The following DNPEP variants were observed in gnomAD, a reference collection of about 807,000 sequenced individuals.
DNPEP encodes the protein aspartyl aminopeptidase.
In DNPEP, 46 loss-of-function variants were observed where a neutral mutation model predicts 59.1. The observed-to-expected ratio is 0.78, with a 90% CI of 0.61 to 0.99. The LOEUF (loss-of-function observed/expected upper bound fraction) is 0.99. Among genes scored for constraint, DNPEP ranks in the 50% least tolerant of loss-of-function variants. DNPEP has a pLI of 0.00. For missense variants in DNPEP, 617 were observed against 649.9 expected, an observed-to-expected ratio of 0.95 and a Z score of 0.55; for synonymous variants, 229 against 242.2, an observed-to-expected ratio of 0.95 and a Z score of 0.50.
At chr2:219,379,109 G>T (rs1267644192) in intron 13 of DNPEP, among the ~76,000 whole-genome samples, 1 of 151,994 alleles carries the variant, frequency 6.6e-6, no homozygotes, top group Non-Finnish European at 1.5e-5. Context: ...GTAGAGACGG[G>T]GTTTCACCAT....
intron 1 of DNPEP, among the ~76,000 whole-genome samples, chr2:219,394,585 A>G (rs1390308284): frequency 2.0e-5 from 3 of 152,040 alleles, no homozygotes; most frequent in Admixed American, 1.3e-4. Context: ...CTCATCTCCC[A>G]TCTTTAAATG....
chr2:219,381,391 C>G lies in DNPEP; in HGVS notation c.1183G>C (p.Ala395Pro). Residue 395 changes from alanine (A) to proline (P), a missense_variant, in exon 13 of 15, where the codon GCG becomes CCG. By Grantham distance (27) the Ala-to-Pro change is conservative. Transcript: ENST00000273075. ...TCTCGGATCAGGGCCTCTGACACCG[C>G]GTTTGAAGCATAGCGTTGCTTGCTG... ...VNSKQRYASN[A>P]VSEALIREVA... is the part of the protein sequence containing the mutation. 6.2e-7 allele frequency: 1 copy of G among 1,614,224 alleles called. No individual in the cohort carries two copies. The highest frequency in any genetic ancestry group is 8.5e-7 in the Non-Finnish European group (1 of 1,180,034).
At chr2:219,380,842 T>TACACACACACAACACACAC (rs1553599757) in intron 13 of DNPEP, among the ~76,000 whole-genome samples, 1 of 145,682 alleles carries the variant, frequency 6.9e-6, no homozygotes, top group Non-Finnish European at 1.5e-5. Flanking sequence ...CATATATATG[T>TACACACACACAACACACAC]ACACACACAC....
intron 4 of DNPEP, 70 bp downstream of exon 4, chr2:219,386,595 T>C (rs1396859431): frequency 4.7e-6 from 7 of 1,493,036 alleles, no homozygotes; most frequent in Non-Finnish European, 5.5e-6. Context: ...AGTTTGTACC[T>C]CCTAGTTCTC....
At chr2:219,394,228 G>C (rs538480758) in intron 1 of DNPEP, among the ~76,000 whole-genome samples, 1 of 152,106 alleles carries the variant, frequency 6.6e-6, no homozygotes, top group South Asian at 2.1e-4. Flanking sequence ...TTCTTGTCAA[G>C]GTCAAAAGCA....
Position 219,378,952 on chromosome 2 carries a change from T to C in DNPEP, c.1239+2383A>G, listed in dbSNP as rs1429739429. ...TTTATTTTGAGATGGAGTTTCACTC[T>C]TGTCGCCCAGGCTGGAGTGCAATGG... On this transcript the variant is annotated intron_variant, in intron 13 of 14. Transcript: ENST00000273075. Among the ~76,000 whole-genome samples the C allele has an allele frequency of 3.9e-5, 6 of 152,310 alleles. No individual in the cohort carries two copies. In the East Asian group the frequency reaches 1.2e-3, roughly 29 times the overall value.
Position 219,387,829 on chromosome 2 carries a change from G to A in DNPEP, c.-35C>T, listed in dbSNP as rs771385081. ...GGGCTCGGCCCGCCCCCACCGCGCCGCCTGCCCCGCCCCTCACTAGCTTTG... is the reference window on the plus strand; with the variant it reads ...GGGCTCGGCCCGCCCCCACCGCGCCACCTGCCCCGCCCCTCACTAGCTTTG... On this transcript the variant is annotated 5_prime_UTR_variant, in exon 1 of 15. Transcript: ENST00000273075. 3 of 1,449,314 alleles carry A rather than the reference G, an allele frequency of 2.1e-6. No individual in the cohort carries two copies. The highest frequency in any genetic ancestry group is 2.9e-5 in the East Asian group (1 of 34,994). 89.8% of individuals were successfully genotyped at this position (1,449,314 alleles called of 1,614,324 possible). A position where few individuals can be genotyped will look rare whatever the true frequency, so the allele number is the denominator to read the frequency against.
At position 219,385,415 on chromosome 2, in the gene DNPEP, AG is replaced by A. The variant is rs778660233; in HGVS notation, c.774+8del. 24 of 1,600,946 alleles carry A rather than the reference AG, an allele frequency of 1.5e-5. 1 individual carries two copies. In the East Asian group the frequency reaches 2.2e-4, roughly 15 times the overall value. ...CCTTCACCCACAGGTTCCTACAGCC[AG>A]TCCTCACCGCAGGCTGGGTGTCTGC... On this transcript the variant is annotated splice_region_variant and intron_variant, in intron 8 of 14. Transcript: ENST00000273075.
At chr2:219,385,343 TG>T (rs763659694) in intron 8 of DNPEP, 80 bp downstream of exon 8, 3 of 867,488 alleles carry the variant, frequency 3.5e-6, no homozygotes, top group Non-Finnish European at 5.6e-6. Flanking sequence ...GTGGAGGTGA[TG>T]GGTGCTTCAG....
At chr2:219,384,591 G>A (rs1341297644) in intron 8 of DNPEP, 148 bp from the exon 9 acceptor site, 16 of 591,494 alleles carry the variant, frequency 2.7e-5, no homozygotes, top group Non-Finnish European at 4.5e-5. Flanking sequence ...TTTTTGAGAT[G>A]AAGGTTCGCT....
intron 1 of DNPEP, among the ~76,000 whole-genome samples, chr2:219,396,877 G>C (rs1289650983): frequency 6.6e-6 from 1 of 152,122 alleles, no homozygotes; most frequent in Non-Finnish European, 1.5e-5. Flanking sequence ...GCAACCTCTT[G>C]GGAAGGTAAA....
At chr2:219,384,546 AC>A in intron 8 of DNPEP, 103 bp from the exon 9 acceptor site, 1 of 890,912 alleles carries the variant, frequency 1.1e-6, no homozygotes, top group Admixed American at 2.6e-5. Context: ...CCTCTCCCTG[AC>A]CCCTGGCTTA....
At chr2:219,388,236 C>T, upstream of DNPEP, among the ~76,000 whole-genome samples, 1 of 146,568 alleles carries the variant, frequency 6.8e-6, no homozygotes, top group South Asian at 2.2e-4. Flanking sequence ...CGCTTTGTCC[C>T]GCCCCTCACC....
intron 8 of DNPEP, 47 bp from the exon 9 acceptor site, chr2:219,384,490 C>T (rs1168313106): frequency 6.5e-7 from 1 of 1,527,252 alleles, no homozygotes; most frequent in African/African-American, 1.4e-5. Context: ...TCCACCCCCA[C>T]TCACCTTTCT....
At chr2:219,387,300 C>T in intron 1 of DNPEP, 137 bp from the exon 2 acceptor site, 1 of 1,449,938 alleles carries the variant, frequency 6.9e-7, no homozygotes, top group South Asian at 1.5e-5. Context: ...CCGTCCCCAC[C>T]GAGAGACCCA....
chr2:219,389,962 A>G (rs1317775094), upstream of DNPEP, among the ~76,000 whole-genome samples: 2 of 152,200 alleles, frequency 1.3e-5, no homozygotes, highest in Non-Finnish European at 2.9e-5. Context: ...AAACAAGGCT[A>G]CAATGTATAA....
intron 9 of DNPEP, among the ~76,000 whole-genome samples, chr2:219,383,615 A>G (rs1953692602): frequency 6.6e-6 from 1 of 152,080 alleles, no homozygotes; most frequent in African/African-American, 2.4e-5. Context: ...TGGAGGACAG[A>G]GAGGAAGAGC....
At position 219,385,509 on chromosome 2, in the gene DNPEP, AG is replaced by A; in HGVS notation, c.688del (p.Leu230SerfsTer11). ...NAVDERHHSV[L>X]MSLLCAHLGL... ...CAGATGGGCACAGAGCAGGGACATG[AG>A]GACCGAATGGTGCCGCTCATCCTGA... is the stretch of plus-strand genomic sequence containing the variant. On this transcript the variant is annotated frameshift_variant, in exon 8 of 15. Transcript: ENST00000273075. LOFTEE classifies it high-confidence loss of function. The A allele has an allele frequency of 6.2e-7, 1 of 1,604,216 alleles. No homozygotes were observed. The highest frequency in any genetic ancestry group is 1.3e-5 in the African/African-American group (1 of 74,890).
At chr2:219,384,574 TTTC>T (rs1397902767) in intron 8 of DNPEP, 131 bp from the exon 9 acceptor site, 1 of 552,906 alleles carries the variant, frequency 1.8e-6, no homozygotes, top group East Asian at 3.4e-5. Context: ...TATTTTGTTT[TTTC>T]TTTTTTTTGA....
Sources: allele counts gnomAD v4.1 joint callset (sites outside exome capture counted in the v4.1 genomes callset), GRCh38; gene constraint gnomAD v4.1.1; transcripts MANE v1.5; gene names NCBI Gene and HGNC (gene_info 2026-07-23, HGNC 2026-07-21).